KCNK10: variants seen among roughly 807,000 people sequenced by gnomAD.
The protein encoded by KCNK10 is potassium two pore domain channel subfamily K member 10, also known as potassium channel subfamily K member 10.
Under a neutral mutation model 47.7 loss-of-function variants are expected in KCNK10, and 25 were observed. That is an observed-to-expected ratio of 0.52 (90% CI 0.38 to 0.73). The LOEUF is 0.73. Among genes scored for constraint, KCNK10 ranks in the 30% least tolerant of loss-of-function variants. The pLI, the probability that KCNK10 is intolerant of heterozygous loss-of-function variation, is 0.00. For synonymous variants in KCNK10, 303 were observed against 285.6 expected (o/e 1.06, Z -0.61); for missense variants, 563 against 714.5 (o/e 0.79, Z 2.42).
chr14:88,274,658 A>G (rs1324212417), intron 1 of KCNK10, among the ~76,000 whole-genome samples: 2 of 151,982 alleles, frequency 1.3e-5, no homozygotes, highest in Non-Finnish European at 2.9e-5. Flanking sequence ...TAATGGTGAT[A>G]ACAAATAGCT....
chr14:88,239,892 AAAATAAAAT>A (rs922507938), intron 3 of KCNK10, among the ~76,000 whole-genome samples: 4 of 77,102 alleles, frequency 5.2e-5, no homozygotes, highest in African/African-American at 1.0e-4. Context: ...AAAATAAAAT[AAAATAAAAT>A]AAATAAATAA....
chr14:88,205,777 C>T (rs1885253710), intron 4 of KCNK10, among the ~76,000 whole-genome samples: 3 of 152,184 alleles, frequency 2.0e-5, no homozygotes, highest in South Asian at 4.2e-4. Context: ...CTCTTGACCT[C>T]ATGATCCGCC....
chr14:88,247,579 C>A (rs1397207735), intron 2 of KCNK10, among the ~76,000 whole-genome samples: 1 of 152,138 alleles, frequency 6.6e-6, no homozygotes, highest in Non-Finnish European at 1.5e-5. Flanking sequence ...ACTTTACAGC[C>A]TAGTTATAAA....
chr14:88,272,484 G>T (rs533228002), intron 1 of KCNK10, among the ~76,000 whole-genome samples: 1 of 152,110 alleles, frequency 6.6e-6, no homozygotes, highest in Admixed American at 6.5e-5. Flanking sequence ...ACAGCAATGG[G>T]GGGGCAACAG....
rs369723489 is a variant in KCNK10, at chr14:88,185,970, G to A, written c.1197C>T (p.Pro399=). ...QRAHSLDMLS[P]EKRSVFAALD... ...GGGCAGCAAAGACAGAGCGCTTCTCGGGGGACAGCATGTCCAGTGAGTGGG... is the reference window on the plus strand; with the variant it reads ...GGGCAGCAAAGACAGAGCGCTTCTCAGGGGACAGCATGTCCAGTGAGTGGG... Residue 399 remains proline, a synonymous_variant, in exon 7 of 7, where the codon CCC becomes CCT. Coordinates refer to ENST00000319231, the MANE Select transcript of KCNK10 (RefSeq NM_138317.3). The surrounding 1 kb of genome is among the most constrained non-coding windows in gnomAD (Gnocchi z 4.3). 4.8e-5 allele frequency: 78 copies of A among 1,613,408 alleles called. No individual in the cohort carries two copies. Among genetic ancestry groups the A allele is most frequent in the South Asian group, 9.9e-5 (9 of 91,060 alleles).
At chr14:88,302,956 G>A (rs1595129950) in intron 1 of KCNK10, among the ~76,000 whole-genome samples, 1 of 152,120 alleles carries the variant, frequency 6.6e-6, no homozygotes. Flanking sequence ...ACAGACTCAG[G>A]GGATGAATCT....
intron 4 of KCNK10, among the ~76,000 whole-genome samples, chr14:88,224,031 A>G (rs1885907439): frequency 6.6e-6 from 1 of 152,162 alleles, no homozygotes; most frequent in Non-Finnish European, 1.5e-5. Flanking sequence ...AAAAAAAAAA[A>G]AAAGAAAATT....
chr14:88,203,922 G>A (rs1885181467), intron 4 of KCNK10, among the ~76,000 whole-genome samples: 1 of 152,200 alleles, frequency 6.6e-6, no homozygotes, highest in African/African-American at 2.4e-5. Flanking sequence ...GTAGCAGGTG[G>A]GAGGGGTACT....
rs549073381 is a variant in KCNK10, at chr14:88,292,255, C to G, written c.53-28704G>C. On this transcript the variant is annotated intron_variant, in intron 1 of 6. Transcript: ENST00000319231. ...CACAAGGAGGGAAAAGGAACAGCCA[C>G]GGCCCCCGCCTTCCCTTTCCCATGG... 2.0e-4 allele frequency among the ~76,000 whole-genome samples: 31 copies of G among 152,340 alleles called. 2 individuals are homozygous for G. The highest frequency in any genetic ancestry group is 1.8e-3 in the Admixed American group (27 of 15,302).
At chr14:88,326,901 T>C (rs1888678022), upstream of KCNK10, 2 of 181,226 alleles carry the variant, frequency 1.1e-5, no homozygotes, top group African/African-American at 4.8e-5. Context: ...GAGGAGACGA[T>C]GCCTGCCGCG....
chr14:88,236,313 T>C (rs1309256952), intron 3 of KCNK10, among the ~76,000 whole-genome samples: 1 of 48,494 alleles, frequency 2.1e-5, no homozygotes, highest in Non-Finnish European at 7.1e-5. Context: ...CAAGACCCAG[T>C]CTCAAAAAAA....
At chr14:88,225,943 G>C (rs1885970691) in intron 4 of KCNK10, among the ~76,000 whole-genome samples, 1 of 152,158 alleles carries the variant, frequency 6.6e-6, no homozygotes, top group Non-Finnish European at 1.5e-5. Context: ...GGTCTAATGA[G>C]GCCACCGGCC....
intron 5 of KCNK10, among the ~76,000 whole-genome samples, chr14:88,189,040 T>C (rs1411196587): frequency 6.6e-6 from 1 of 152,278 alleles, no homozygotes; most frequent in East Asian, 1.9e-4. Flanking sequence ...GCAGTGGCCA[T>C]TTCTAAGATG....
chr14:88,291,520 G>C (rs1041884428), intron 1 of KCNK10, among the ~76,000 whole-genome samples: 1 of 152,242 alleles, frequency 6.6e-6, no homozygotes, highest in African/African-American at 2.4e-5. Flanking sequence ...GGAGCAGAAA[G>C]AGAACTGCTC....
chr14:88,190,533 G>A lies in KCNK10; in HGVS notation c.868+1691C>T, dbSNP rs545441002. Among the ~76,000 whole-genome samples, 3 of 152,210 alleles carry A rather than the reference G, an allele frequency of 2.0e-5. No individual in the cohort carries two copies. In the South Asian group the frequency reaches 6.2e-4, roughly 32 times the overall value. On this transcript the variant is annotated intron_variant, in intron 5 of 6. Coordinates refer to ENST00000319231, the MANE Select transcript of KCNK10 (RefSeq NM_138317.3). ...TTGAGGCCACTAACTAGACATCCAT[G>A]GTTGAGCACTGTGCGTAAGGGGAAA...
intron 1 of KCNK10, among the ~76,000 whole-genome samples, chr14:88,277,126 C>A (rs528429633): frequency 7.2e-5 from 11 of 152,252 alleles, no homozygotes; most frequent in African/African-American, 2.6e-4. Flanking sequence ...TGCAAGCAGC[C>A]TCAGCCATCT....
At chr14:88,266,788 A>G (rs116015851) in intron 1 of KCNK10, among the ~76,000 whole-genome samples, 1,648 of 152,298 alleles carry the variant, frequency 0.011, 24 homozygotes, top group African/African-American at 0.038. Flanking sequence ...CATTAGCTTA[A>G]AGCCTCATCA....
chr14:88,188,320 G>A (rs1248010490), intron 5 of KCNK10, among the ~76,000 whole-genome samples: 2 of 151,402 alleles, frequency 1.3e-5, no homozygotes, highest in Admixed American at 6.6e-5. Context: ...TACTTCCCTC[G>A]ATTCTTGACC....
At chr14:88,302,216 T>C (rs1888115679) in intron 1 of KCNK10, among the ~76,000 whole-genome samples, 1 of 152,156 alleles carries the variant, frequency 6.6e-6, no homozygotes, top group African/African-American at 2.4e-5. Context: ...TTCAATGAGA[T>C]GACAAACTCT....
Sources: gnomAD v4.1 joint callset for allele counts (sites outside exome capture counted in the v4.1 genomes callset) on GRCh38, gnomAD v4.1.1 for gene constraint, Gnocchi (gnomAD v3.1) non-coding constraint, MANE v1.5 for transcripts, NCBI Gene and HGNC (gene_info 2026-07-23, HGNC 2026-07-21) for gene names.